The following HTR7 variants were observed in gnomAD, a reference collection of about 807,000 sequenced individuals.
The protein encoded by HTR7 is 5-hydroxytryptamine receptor 7.
A neutral mutation model predicts 34.0 loss-of-function variants in HTR7; 16 were observed. The observed-to-expected ratio is 0.47, with a 90% CI of 0.32 to 0.71. The LOEUF (loss-of-function observed/expected upper bound fraction) is 0.71. HTR7 is among the 30% of genes least tolerant of loss of function. The pLI is 0.04. For synonymous variants in HTR7, 265 were observed against 260.2 expected, an observed-to-expected ratio of 1.02 and a Z score of -0.18; for missense variants, 504 against 625.5, an observed-to-expected ratio of 0.81 and a Z score of 2.07.
intron 1 of HTR7, among the ~76,000 whole-genome samples, chr10:90,850,866 T>C (rs1444889086): frequency 1.3e-5 from 2 of 151,980 alleles, no homozygotes; most frequent in East Asian, 1.9e-4. Context: ...ATGGAAAATA[T>C]AGAAAAGAGT....
chr10:90,848,702 T>C (rs1490934472), intron 1 of HTR7, among the ~76,000 whole-genome samples: 1 of 152,248 alleles, frequency 6.6e-6, no homozygotes, highest in African/African-American at 2.4e-5. Flanking sequence ...CTTTAAAATA[T>C]GTTTCAAAAT....
At chr10:90,777,508 C>T (rs1405801979) in intron 1 of HTR7, among the ~76,000 whole-genome samples, 1 of 151,170 alleles carries the variant, frequency 6.6e-6, no homozygotes, top group East Asian at 1.9e-4. Flanking sequence ...AAAGATGCCT[C>T]CTACAAAAAG....
chr10:90,826,869 G>A (rs1201314303), intron 1 of HTR7, among the ~76,000 whole-genome samples: 2 of 151,848 alleles, frequency 1.3e-5, no homozygotes, highest in South Asian at 2.1e-4. Context: ...CCCAGGAGGC[G>A]GAGCTTGCAG....
At chr10:90,815,915 T>C (rs1845892406) in intron 1 of HTR7, among the ~76,000 whole-genome samples, 1 of 152,174 alleles carries the variant, frequency 6.6e-6, no homozygotes, top group Non-Finnish European at 1.5e-5. Flanking sequence ...ACTGAGACTT[T>C]AAGAGAATTT....
intron 1 of HTR7, among the ~76,000 whole-genome samples, chr10:90,841,983 A>G (rs561535154): frequency 2.0e-5 from 3 of 152,134 alleles, no homozygotes; most frequent in South Asian, 2.1e-4. Flanking sequence ...CTGGGCATAG[A>G]GCAAGACTCT....
intron 1 of HTR7, among the ~76,000 whole-genome samples, chr10:90,750,969 C>T (rs1042133295): frequency 2.0e-5 from 3 of 152,092 alleles, no homozygotes; most frequent in African/African-American, 7.2e-5. Context: ...AGACGAAAAT[C>T]CTGCGTGCAG....
intron 2 of HTR7, chr10:90,744,063 C>T (rs1356368008): frequency 2.6e-6 from 1 of 383,746 alleles, no homozygotes; most frequent in Non-Finnish European, 5.1e-6. Context: ...GCCAAGAAGG[C>T]AGAGCAAGGC....
intron 1 of HTR7, among the ~76,000 whole-genome samples, chr10:90,845,362 G>A (rs11186333): frequency 0.079 from 12,067 of 152,124 alleles, 494 homozygotes; most frequent in East Asian, 0.16. Context: ...TCCTCATATA[G>A]CAGGCAATGG....
intron 1 of HTR7, among the ~76,000 whole-genome samples, chr10:90,815,215 A>G (rs368930648): frequency 3.2e-4 from 49 of 151,514 alleles, no homozygotes; most frequent in African/African-American, 1.2e-3. Flanking sequence ...CCTCAGCCTC[A>G]TGAGTAGCTG....
intron 1 of HTR7, among the ~76,000 whole-genome samples, chr10:90,802,023 C>T (rs1845635420): frequency 6.6e-6 from 1 of 152,154 alleles, no homozygotes; most frequent in African/African-American, 2.4e-5. Flanking sequence ...AGAGCAGTGT[C>T]ATAGGGTAGA....
intron 1 of HTR7, among the ~76,000 whole-genome samples, chr10:90,788,834 A>G (rs1351576004): frequency 6.6e-6 from 1 of 152,222 alleles, no homozygotes; most frequent in African/African-American, 2.4e-5. Flanking sequence ...GAAAAAATTC[A>G]GGGAAATAGA....
chr10:90,822,764 C>T lies in HTR7; in HGVS notation c.539+34369G>A, dbSNP rs558219897. On this transcript the variant is annotated intron_variant, in intron 1 of 3. Transcript: ENST00000336152. The stretch of plus-strand genomic sequence containing the variant: ...GGGAGGGAAGAATGGTTTCATGGGC[C>T]AGGACCAGGAACCTGCTGCTCTGTG... 1.9e-3 allele frequency among the ~76,000 whole-genome samples: 291 copies of T among 152,316 alleles called. 1 individual carries two copies. Among genetic ancestry groups the T allele is most frequent in the Non-Finnish European group, 3.5e-3 (237 of 68,028 alleles).
intron 1 of HTR7, among the ~76,000 whole-genome samples, chr10:90,777,662 G>A: frequency 6.6e-6 from 1 of 152,162 alleles, no homozygotes; most frequent in East Asian, 1.9e-4. Flanking sequence ...GGCCAGGGCT[G>A]TGTAACCTGA....
At chr10:90,752,033 C>T (rs748926971) in intron 1 of HTR7, among the ~76,000 whole-genome samples, 1 of 152,098 alleles carries the variant, frequency 6.6e-6, no homozygotes, top group Non-Finnish European at 1.5e-5. Context: ...ATTCAGTCTG[C>T]CCTGGATGTA....
intron 1 of HTR7, among the ~76,000 whole-genome samples, chr10:90,838,921 A>G (rs1039913958): frequency 7.2e-5 from 11 of 152,286 alleles, no homozygotes; most frequent in Middle Eastern, 6.8e-3. Flanking sequence ...GTTTTAACTT[A>G]TCTGTTTCTT....
chr10:90,780,352 G>A (rs1248549486), intron 1 of HTR7, among the ~76,000 whole-genome samples: 1 of 152,052 alleles, frequency 6.6e-6, no homozygotes. Context: ...CCTGGCCAAT[G>A]TGGTGAAACC....
In HTR7 at chr10:90,857,543, G is replaced by T. The variant is rs751461257; in HGVS notation, c.129C>A (p.Ser43=). Residue 43 remains serine, a synonymous_variant, in exon 1 of 4, where the codon TCC becomes TCA. Coordinates refer to ENST00000336152, the MANE Select transcript of HTR7 (RefSeq NM_019859.4). The surrounding 1 kb of genome is among the most constrained non-coding windows in gnomAD (Gnocchi z 6.5). ...CCTCGCTCAGCAGGTGCGGCGCCCA[G>T]GAGCCCGCGACCGGGTCGGCGCCAC... ...PDGGADPVAG[S]WAPHLLSEVT... is the part of the protein sequence containing the mutation. The T allele has an allele frequency of 6.2e-7, 1 of 1,602,524 alleles. No individual in the cohort carries two copies. The highest frequency in any genetic ancestry group is 8.5e-7 in the Non-Finnish European group (1 of 1,175,316).
intron 1 of HTR7, among the ~76,000 whole-genome samples, chr10:90,828,982 T>C (rs1846123934): frequency 1.3e-5 from 2 of 152,080 alleles, no homozygotes; most frequent in South Asian, 4.2e-4. Flanking sequence ...TGATGAATAT[T>C]GAAGCAAAAA....
chr10:90,769,828 C>T (rs551474831), intron 1 of HTR7, among the ~76,000 whole-genome samples: 12 of 152,210 alleles, frequency 7.9e-5, no homozygotes, highest in Non-Finnish European at 1.8e-4. Context: ...AAAAATAAAA[C>T]TATTATTATT....
Sources: allele counts gnomAD v4.1 joint callset (sites outside exome capture counted in the v4.1 genomes callset), GRCh38; gene constraint gnomAD v4.1.1; non-coding constraint Gnocchi (gnomAD v3.1); transcripts MANE v1.5; gene names NCBI Gene and HGNC (gene_info 2026-07-23, HGNC 2026-07-21).